The following GALNT13 variants were observed in gnomAD, a reference collection of about 807,000 sequenced individuals.
GALNT13 encodes UDP-GalNAc:polypeptide N-acetylgalactosaminyltransferase 13.
GALNT13 carries 28 observed loss-of-function variants against 64.2 expected under a neutral mutation model. That is an observed-to-expected ratio of 0.44 (90% CI 0.32 to 0.60). GALNT13 has a LOEUF of 0.60. Among genes scored for constraint, GALNT13 ranks in the 20% least tolerant of loss-of-function variants. GALNT13 has a pLI of 0.05. For synonymous variants in GALNT13, 214 were observed against 224.6 expected, an observed-to-expected ratio of 0.95 and a Z score of 0.42; for missense variants, 577 against 669.8, an observed-to-expected ratio of 0.86 and a Z score of 1.53.
chr2:153,993,328 G>T (rs1254720817), intron 3 of GALNT13, among the ~76,000 whole-genome samples: 1 of 152,046 alleles, frequency 6.6e-6, no homozygotes, highest in African/African-American at 2.4e-5. Flanking sequence ...GAATAAAGTA[G>T]TAGTAGTATT....
intron 3 of GALNT13, among the ~76,000 whole-genome samples, chr2:154,051,279 C>CTTTTTTT (rs34890901): frequency 4.9e-5 from 5 of 102,296 alleles, no homozygotes; most frequent in Non-Finnish European, 7.6e-5. Context: ...CTTACTCCTT[C>CTTTTTTT]TTTTTTTTTT....
intron 3 of GALNT13, among the ~76,000 whole-genome samples, chr2:154,129,668 C>A (rs936912234): frequency 6.6e-6 from 1 of 151,912 alleles, no homozygotes; most frequent in African/African-American, 2.4e-5. Flanking sequence ...TACACATCAT[C>A]TTTATATTTA....
chr2:153,313,807 T>C, the GALNT13 span, among the ~76,000 whole-genome samples: 3 of 152,264 alleles, frequency 2.0e-5, no homozygotes, highest in South Asian at 2.1e-4. Context: ...GTAACACTTA[T>C]GTAAAAATTA....
the GALNT13 span, among the ~76,000 whole-genome samples, chr2:153,682,168 T>C: frequency 6.6e-6 from 1 of 151,768 alleles, no homozygotes; most frequent in African/African-American, 2.4e-5. Flanking sequence ...AGATGCCCCA[T>C]AAATTATTTA....
At chr2:153,296,938 T>C in the GALNT13 span, among the ~76,000 whole-genome samples, 1 of 152,192 alleles carries the variant, frequency 6.6e-6, no homozygotes, top group Non-Finnish European at 1.5e-5. Flanking sequence ...GATTTATATT[T>C]AATTTCAAAT....
intron 9 of GALNT13, among the ~76,000 whole-genome samples, chr2:154,373,263 G>T: frequency 6.6e-6 from 1 of 152,088 alleles, no homozygotes; most frequent in East Asian, 1.9e-4. Context: ...ATTGAATTTA[G>T]TTGTGCTAGT....
chr2:153,256,275 T>C, the GALNT13 span, among the ~76,000 whole-genome samples: 4 of 152,148 alleles, frequency 2.6e-5, no homozygotes, highest in Non-Finnish European at 4.4e-5. Flanking sequence ...CTGAGGCTTC[T>C]GCATTCTTCA....
the GALNT13 span, among the ~76,000 whole-genome samples, chr2:153,864,161 C>T: frequency 6.6e-6 from 1 of 152,230 alleles, no homozygotes; most frequent in South Asian, 2.1e-4. Flanking sequence ...AAATAGCGTA[C>T]ATAGTCAGGC....
At chr2:153,454,037 T>A in the GALNT13 span, among the ~76,000 whole-genome samples, 6 of 152,148 alleles carry the variant, frequency 3.9e-5, no homozygotes, top group African/African-American at 1.4e-4. Flanking sequence ...AAATACCACA[T>A]GTTCTCACTT....
At chr2:153,551,065 T>C in the GALNT13 span, among the ~76,000 whole-genome samples, 1 of 152,188 alleles carries the variant, frequency 6.6e-6, no homozygotes, top group African/African-American at 2.4e-5. Flanking sequence ...AAAAAAATCA[T>C]TGACCAACAC....
intron 7 of GALNT13, among the ~76,000 whole-genome samples, chr2:154,246,537 T>TA (rs962438017): frequency 6.6e-6 from 1 of 152,098 alleles, no homozygotes; most frequent in Non-Finnish European, 1.5e-5. Flanking sequence ...TTACTTGTAA[T>TA]AAAAAATATC....
intron 3 of GALNT13, among the ~76,000 whole-genome samples, chr2:154,078,603 T>A (rs1318776483): frequency 2.0e-5 from 3 of 151,610 alleles, no homozygotes; most frequent in Non-Finnish European, 4.4e-5. Context: ...TTGCCCACGC[T>A]TATTTAAATG....
At chr2:153,689,278 T>G in the GALNT13 span, among the ~76,000 whole-genome samples, 2 of 152,008 alleles carry the variant, frequency 1.3e-5, no homozygotes, top group East Asian at 1.9e-4. Flanking sequence ...TTAATTTGTA[T>G]TTTCCACATG....
chr2:153,439,762 C>T, the GALNT13 span, among the ~76,000 whole-genome samples: 1 of 152,140 alleles, frequency 6.6e-6, no homozygotes, highest in African/African-American at 2.4e-5. Context: ...ACTTGTTGCG[C>T]TTCCTGGGTG....
At chr2:153,773,273 A>G in the GALNT13 span, among the ~76,000 whole-genome samples, 1 of 152,146 alleles carries the variant, frequency 6.6e-6, no homozygotes, top group Non-Finnish European at 1.5e-5. Context: ...TTGCTTCCCT[A>G]CCTAGGTCGG....
the GALNT13 span, among the ~76,000 whole-genome samples, chr2:153,452,008 A>C: frequency 6.6e-6 from 1 of 152,260 alleles, no homozygotes; most frequent in Non-Finnish European, 1.5e-5. Context: ...ATTGGCAAGC[A>C]TCTGAAGGAC....
chr2:153,834,779 TA>T, the GALNT13 span, among the ~76,000 whole-genome samples: 1 of 152,188 alleles, frequency 6.6e-6, no homozygotes, highest in East Asian at 1.9e-4. Context: ...CAGGCTTATA[TA>T]ACATGTATAA....
At chr2:153,218,932 A>T in the GALNT13 span, among the ~76,000 whole-genome samples, 1 of 152,198 alleles carries the variant, frequency 6.6e-6, no homozygotes, top group Non-Finnish European at 1.5e-5. Context: ...TAAAATTTGA[A>T]GTTTCTCTGG....
the GALNT13 span, among the ~76,000 whole-genome samples, chr2:153,531,351 G>A: frequency 2.7e-3 from 413 of 152,268 alleles, 3 homozygotes; most frequent in African/African-American, 9.5e-3. Context: ...TGGAGTAGGA[G>A]AGAGGGGGAG....
Sources: allele counts gnomAD v4.1 joint callset (sites outside exome capture counted in the v4.1 genomes callset), GRCh38; gene constraint gnomAD v4.1.1; transcripts MANE v1.5; gene names NCBI Gene and HGNC (gene_info 2026-07-23, HGNC 2026-07-21).